The following DOCK3 variants were observed in gnomAD, a reference collection of about 807,000 sequenced individuals.
DOCK3 encodes the protein dedicator of cytokinesis protein 3.
Under a neutral mutation model 265.6 loss-of-function variants are expected in DOCK3, and 60 were observed. The ratio of observed to expected loss-of-function variants is 0.23; its 90% CI spans 0.18 to 0.28. The LOEUF (loss-of-function observed/expected upper bound fraction) is 0.28. DOCK3 is among the 10% of genes least tolerant of loss of function. DOCK3 has a pLI of 1.00. For missense variants in DOCK3, 1,981 were observed against 2,594.3 expected (o/e 0.76, Z 5.14); for synonymous variants, 881 against 938.0 (o/e 0.94, Z 1.11).
At chr3:51,186,065 G>A (rs1016435708) in intron 12 of DOCK3, among the ~76,000 whole-genome samples, 1 of 152,138 alleles carries the variant, frequency 6.6e-6, no homozygotes, top group Non-Finnish European at 1.5e-5. Context: ...AACAGGCAGA[G>A]GAACAGTTTG....
At chr3:50,990,867 A>G (rs7426759) in intron 5 of DOCK3, among the ~76,000 whole-genome samples, 14,444 of 152,060 alleles carry the variant, frequency 0.095, 857 homozygotes, top group Non-Finnish European at 0.12. Context: ...CCAATTGAGG[A>G]TGGGTCTGCC....
At chr3:51,150,665 C>A (rs2085538356) in intron 10 of DOCK3, among the ~76,000 whole-genome samples, 1 of 152,180 alleles carries the variant, frequency 6.6e-6, no homozygotes, top group African/African-American at 2.4e-5. Flanking sequence ...GCTTCTTAAT[C>A]CTGAGTTCTA....
chr3:50,689,315 A>G (rs2035051740), intron 1 of DOCK3, among the ~76,000 whole-genome samples: 1 of 152,252 alleles, frequency 6.6e-6, no homozygotes, highest in South Asian at 2.1e-4. Flanking sequence ...TTATAAAGGA[A>G]AGAGGTTTAA....
intron 3 of DOCK3, among the ~76,000 whole-genome samples, chr3:50,874,311 A>G (rs1046376838): frequency 4.6e-5 from 7 of 151,832 alleles, no homozygotes; most frequent in African/African-American, 1.7e-4. Flanking sequence ...AGACCAGCCT[A>G]AGCAAGATGG....
intron 1 of DOCK3, among the ~76,000 whole-genome samples, chr3:50,749,150 C>G (rs944651009): frequency 2.6e-5 from 4 of 152,154 alleles, no homozygotes; most frequent in African/African-American, 9.7e-5. Context: ...TCAGCATTTG[C>G]CTCCTCTTTA....
chr3:51,128,729 G>A (rs2106895628), intron 9 of DOCK3, among the ~76,000 whole-genome samples: 1 of 152,300 alleles, frequency 6.6e-6, no homozygotes, highest in East Asian at 1.9e-4. Flanking sequence ...CATATCGAGG[G>A]CTCAGTGTTG....
intron 2 of DOCK3, among the ~76,000 whole-genome samples, chr3:50,800,793 G>A (rs902292418): frequency 1.3e-5 from 2 of 151,806 alleles, no homozygotes; most frequent in African/African-American, 4.8e-5. Context: ...TTTAATTTCA[G>A]CATATATTTC....
At chr3:51,378,778 G>A (rs2110596232) in intron 51 of DOCK3, among the ~76,000 whole-genome samples, 1 of 152,322 alleles carries the variant, frequency 6.6e-6, no homozygotes, top group Non-Finnish European at 1.5e-5. Flanking sequence ...AACTGTGGCT[G>A]AGGGGACAGT....
intron 2 of DOCK3, among the ~76,000 whole-genome samples, chr3:50,839,718 T>TCTCCCCTCCC (rs1190808502): frequency 6.7e-5 from 1 of 15,028 alleles, no homozygotes; most frequent in African/African-American, 3.0e-4. Context: ...CCTCCCCTCC[T>TCTCCCCTCCC]CTCCCCTCCC....
intron 22 of DOCK3, among the ~76,000 whole-genome samples, chr3:51,258,086 A>G (rs576098669): frequency 6.6e-6 from 1 of 152,352 alleles, no homozygotes; most frequent in East Asian, 1.9e-4. Context: ...TAATAGAGGA[A>G]GCAAGCTCTC....
At position 51,220,687 on chromosome 3, in the gene DOCK3, A is replaced by ATG. The variant is rs760900578; in HGVS notation, c.1253-4940_1253-4939dup. On this transcript the variant is annotated intron_variant, in intron 14 of 52. Transcript: ENST00000266037. ...AAAAAAAAAATATATATATATATAT[A>ATG]TGTGTGTGTGTGTGTGTGTGTGTAT... 5.6e-3 allele frequency among the ~76,000 whole-genome samples: 381 copies of ATG among 67,542 alleles called. 6 individuals are homozygous for ATG. The highest frequency in any genetic ancestry group is 0.018 in the African/African-American group (299 of 16,682). The allele number at this position is 67,542 out of a possible 152,430, so 44.3% of individuals were successfully genotyped here.
At chr3:51,179,573 A>G (rs2087158977) in intron 12 of DOCK3, among the ~76,000 whole-genome samples, 1 of 152,208 alleles carries the variant, frequency 6.6e-6, no homozygotes. Context: ...TAGACATACA[A>G]TGTAGAATAG....
At chr3:51,144,991 G>A (rs966908551) in intron 9 of DOCK3, among the ~76,000 whole-genome samples, 1 of 152,192 alleles carries the variant, frequency 6.6e-6, no homozygotes, top group Non-Finnish European at 1.5e-5. Flanking sequence ...GGGGCAGGAA[G>A]GAGATGCGAG....
chr3:51,253,398 TC>T (rs1247300225), intron 22 of DOCK3, among the ~76,000 whole-genome samples: 1 of 152,198 alleles, frequency 6.6e-6, no homozygotes, highest in South Asian at 2.1e-4. Flanking sequence ...TAGGGAGGAT[TC>T]CCTCTTTTTC....
intron 49 of DOCK3, among the ~76,000 whole-genome samples, chr3:51,366,739 G>A (rs1488418125): frequency 3.3e-5 from 5 of 152,098 alleles, no homozygotes; most frequent in Non-Finnish European, 7.4e-5. Flanking sequence ...CCTTCATTTC[G>A]TTATGTACCC....
chr3:50,918,331 C>T (rs1029579336), intron 4 of DOCK3, among the ~76,000 whole-genome samples: 1 of 152,130 alleles, frequency 6.6e-6, no homozygotes, highest in African/African-American at 2.4e-5. Flanking sequence ...TGAGGAATCG[C>T]CACACTGTCT....
chr3:51,232,828 C>T (rs2078183789), intron 19 of DOCK3, among the ~76,000 whole-genome samples: 2 of 152,186 alleles, frequency 1.3e-5, no homozygotes, highest in Non-Finnish European at 2.9e-5. Flanking sequence ...TGAGGGTTGT[C>T]TGTTTACTCC....
chr3:50,703,356 C>T (rs1396276246), intron 1 of DOCK3, among the ~76,000 whole-genome samples: 1 of 151,678 alleles, frequency 6.6e-6, no homozygotes, highest in Non-Finnish European at 1.5e-5. Context: ...TATTGCTTGC[C>T]CTGTTGAATG....
At chr3:50,726,087 ACTT>A (rs1270275216) in intron 1 of DOCK3, among the ~76,000 whole-genome samples, 2 of 152,182 alleles carry the variant, frequency 1.3e-5, no homozygotes, top group African/African-American at 2.4e-5. Flanking sequence ...TTTCTCTACT[ACTT>A]ATAATACCTA....
Sources: allele counts gnomAD v4.1 joint callset (sites outside exome capture counted in the v4.1 genomes callset), GRCh38; gene constraint gnomAD v4.1.1; transcripts MANE v1.5; gene names NCBI Gene and HGNC (gene_info 2026-07-23, HGNC 2026-07-21).